Variants in STXBP3 observed in about 807,000 individuals in gnomAD.
STXBP3 encodes the protein syntaxin binding protein 3.
A neutral mutation model predicts 85.7 loss-of-function variants in STXBP3; 41 were observed. The observed-to-expected ratio is 0.48, with a 90% confidence interval of 0.37 to 0.62. The LOEUF (loss-of-function observed/expected upper bound fraction) is 0.62. STXBP3 is among the 20% of genes least tolerant of loss of function. The probability of loss-of-function intolerance (pLI) is 0.00; values close to 1 mark genes in which losing one functional copy is unlikely to be tolerated. For missense variants in STXBP3, 563 were observed against 703.1 expected (o/e 0.80, Z 2.25); for synonymous variants, 229 against 231.7 (o/e 0.99, Z 0.10).
intron 17 of STXBP3, among the ~76,000 whole-genome samples, chr1:108,802,051 G>C (rs1663243291): frequency 6.6e-6 from 1 of 152,080 alleles, no homozygotes; most frequent in African/African-American, 2.4e-5. Flanking sequence ...ATGATGTGTA[G>C]AGAGCTTATC....
Position 108,804,318 on chromosome 1 carries a change from T to G in STXBP3, c.1536-3083T>G, listed in dbSNP as rs199664867. 2.6e-5 allele frequency among the ~76,000 whole-genome samples: 4 copies of G among 152,144 alleles called. No individual in the cohort carries two copies. In the East Asian group the frequency reaches 7.7e-4, roughly 29 times the overall value. ...TGCTGTATAAGCTGTTTTTTCTTTT[T>G]CTATTTTCAGTGACTTTATTTTTCT... On this transcript the variant is annotated intron_variant, in intron 17 of 18. Coordinates refer to ENST00000370008, the MANE Select transcript of STXBP3 (RefSeq NM_007269.4).
intron 11 of STXBP3, among the ~76,000 whole-genome samples, chr1:108,793,265 G>C (rs1166052295): frequency 6.7e-6 from 1 of 148,940 alleles, no homozygotes; most frequent in African/African-American, 2.5e-5. Flanking sequence ...GGAAAGGAAG[G>C]GTGCGTGCAG....
chr1:108,800,636 T>C (rs1044447757), intron 17 of STXBP3, among the ~76,000 whole-genome samples: 10 of 152,338 alleles, frequency 6.6e-5, no homozygotes, highest in Admixed American at 4.6e-4. Context: ...CATACCCTTA[T>C]GCCCAGTGCC....
chr1:108,779,129 T>C (rs1662660187), intron 8 of STXBP3, among the ~76,000 whole-genome samples, 157 bp from the exon 9 acceptor site: 1 of 152,204 alleles, frequency 6.6e-6, no homozygotes, highest in Non-Finnish European at 1.5e-5. Context: ...CTTCACATTC[T>C]TAAGACAATT....
Position 108,807,536 on chromosome 1 carries a change from T to C in STXBP3, c.1671T>C (p.Cys557=). Residue 557 remains cysteine (C), a synonymous_variant, in exon 18 of 19, where the codon TGT becomes TGC. Coordinates refer to ENST00000370008, the MANE Select transcript of STXBP3 (RefSeq NM_007269.4). ...AAGTTTCTCAGGCACATAAATCCTG[T>C]GAAGTTATTATTGGTAAGACTTTCA... is the stretch of plus-strand genomic sequence containing the variant. The part of the protein sequence containing the change: ...AYEVSQAHKS[C]EVIIGSTHVL... The C allele has an allele frequency of 6.2e-7, 1 of 1,601,592 alleles. No individual in the cohort carries two copies.
At chr1:108,760,575 A>G (rs1484140831) in intron 6 of STXBP3, among the ~76,000 whole-genome samples, 1 of 152,202 alleles carries the variant, frequency 6.6e-6, no homozygotes, top group Non-Finnish European at 1.5e-5. Flanking sequence ...AAACACTCAT[A>G]TAATACTCCC....
intron 17 of STXBP3, among the ~76,000 whole-genome samples, 173 bp downstream of exon 17, chr1:108,800,478 T>C (rs1663211461): frequency 6.6e-6 from 1 of 152,240 alleles, no homozygotes; most frequent in African/African-American, 2.4e-5. Context: ...AAATGTACTT[T>C]ATTATAAAAA....
chr1:108,776,822 CA>C (rs908327077), intron 8 of STXBP3, among the ~76,000 whole-genome samples: 20 of 152,098 alleles, frequency 1.3e-4, no homozygotes, highest in African/African-American at 3.9e-4. Context: ...TAATGCTTGC[CA>C]ATGTGTAAAC....
intron 2 of STXBP3, among the ~76,000 whole-genome samples, chr1:108,752,548 G>A (rs574912423): frequency 2.2e-4 from 33 of 152,242 alleles, no homozygotes; most frequent in Admixed American, 3.3e-4. Flanking sequence ...CATGGATACC[G>A]AGGGATGACT....
rs1424176420 is a variant in STXBP3 at position 108,772,489 on chromosome 1, CATG to C, written c.439-173_439-171del. 6.3e-5 allele frequency among the ~76,000 whole-genome samples: 9 copies of C among 142,966 alleles called. No individual in the cohort carries two copies. In the East Asian group the frequency reaches 8.0e-4, roughly 13 times the overall value. The allele number at this position is 142,966 out of a possible 152,430, so 93.8% of individuals were successfully genotyped here. ...TATCTATCTGTATAATATATAAATACATGATATCTATCTATATATAATATATAA... is the reference window on the plus strand; with the variant it reads ...TATCTATCTGTATAATATATAAATACATATCTATCTATATATAATATATAA... On this transcript the variant is annotated intron_variant, in intron 6 of 18. Coordinates refer to ENST00000370008, the MANE Select transcript of STXBP3 (RefSeq NM_007269.4).
intron 1 of STXBP3, among the ~76,000 whole-genome samples, chr1:108,747,224 A>C (rs1300124332): frequency 6.6e-6 from 1 of 151,488 alleles, no homozygotes; most frequent in Admixed American, 6.6e-5. Context: ...CCCACACTGG[A>C]GTTTGCAAGG....
intron 6 of STXBP3, among the ~76,000 whole-genome samples, chr1:108,760,669 T>G (rs968555764): frequency 2.0e-5 from 3 of 152,194 alleles, no homozygotes; most frequent in Admixed American, 1.3e-4. Flanking sequence ...ATTGTACTTC[T>G]CCATTTTGAA....
chr1:108,756,041 T>A (rs918475108), intron 3 of STXBP3, among the ~76,000 whole-genome samples: 1 of 152,194 alleles, frequency 6.6e-6, no homozygotes, highest in African/African-American at 2.4e-5. Context: ...TTAAATTAGT[T>A]TTAAGAAATA....
Position 108,760,030 on chromosome 1 carries a change from A to T in STXBP3, c.383A>T (p.Lys128Met). The T allele has an allele frequency of 6.3e-7, 1 of 1,576,942 alleles. No homozygotes were observed. Among genetic ancestry groups the T allele is most frequent in the Non-Finnish European group, 8.6e-7 (1 of 1,166,928 alleles). ...AACAAAATTAAGGCTTCTTGCTCCA[A>T]GTCAATAAGAAGATGTAAAGAAATA... is the stretch of plus-strand genomic sequence containing the variant. ...LFNKIKASCS[K>M]SIRRCKEINI... Residue 128 changes from lysine (K) to methionine (M), a missense_variant, in exon 6 of 19, where the codon AAG (lysine) becomes ATG (methionine). By Grantham distance (95) the Lys-to-Met change is moderately conservative. Coordinates refer to ENST00000370008, the MANE Select transcript of STXBP3 (RefSeq NM_007269.4).
At position 108,809,013 on chromosome 1, in the gene STXBP3, C is replaced by A; in HGVS notation, c.*136C>A. ...CTTTTCAAATACATTTCTTAAGGAA[C>A]TGTTTATGATTATTACTGGATTTGT... On this transcript the variant is annotated 3_prime_UTR_variant, in exon 19 of 19. Coordinates refer to ENST00000370008, the MANE Select transcript of STXBP3 (RefSeq NM_007269.4). 2 of 599,108 alleles carry A rather than the reference C, an allele frequency of 3.3e-6. No individual in the cohort carries two copies. Among genetic ancestry groups the A allele is most frequent in the Non-Finnish European group, 5.7e-6 (2 of 352,844 alleles). The allele number at this position is 599,108 out of a possible 1,614,324, so 37.1% of individuals were successfully genotyped here.
intron 1 of STXBP3, among the ~76,000 whole-genome samples, chr1:108,750,133 T>C (rs6662786): frequency 3.8e-4 from 58 of 152,032 alleles, no homozygotes; most frequent in African/African-American, 1.3e-3. Flanking sequence ...TCCAATCTGC[T>C]CCATCATAAA....
chr1:108,796,316 A>G lies in STXBP3; in HGVS notation c.1193A>G (p.Asn398Ser). 1.2e-6 allele frequency: 2 copies of G among 1,605,836 alleles called. No individual in the cohort carries two copies. The highest frequency in any genetic ancestry group is 1.7e-6 in the Non-Finnish European group (2 of 1,172,518). The change falls in exon 14 of 19, where the codon AAT becomes AGT. Residue 398 changes from asparagine (N) to serine (S), a missense_variant. Transcript: ENST00000370008. ...CTCCTTCCAGTTCTACTCAACAAAA[A>G]TCATGATAATTGTGATAAAATAAGA... is the stretch of plus-strand genomic sequence containing the variant. The part of the protein sequence containing the change: ...RVLLPVLLNK[N>S]HDNCDKIRAI...
At chr1:108,798,392 T>C in intron 16 of STXBP3, among the ~76,000 whole-genome samples, 155 bp downstream of exon 16, 1 of 150,168 alleles carries the variant, frequency 6.7e-6, no homozygotes, top group Admixed American at 6.7e-5. Context: ...GGGAAACTCT[T>C]GAAGATTCTT....
intron 18 of STXBP3, 27 bp from the exon 19 acceptor site, chr1:108,808,756 C>T: frequency 6.4e-7 from 1 of 1,564,344 alleles, no homozygotes; most frequent in Non-Finnish European, 8.8e-7. Context: ...CTGCTGGCCT[C>T]TGAAAAATTC....
Sources: gnomAD v4.1 joint callset for allele counts (sites outside exome capture counted in the v4.1 genomes callset) on GRCh38, gnomAD v4.1.1 for gene constraint, MANE v1.5 for transcripts, NCBI Gene and HGNC (gene_info 2026-07-23, HGNC 2026-07-21) for gene names.